CACNA2D1: variants seen among roughly 807,000 people sequenced by gnomAD.
CACNA2D1 encodes voltage-dependent calcium channel subunit alpha-2/delta-1.
A neutral mutation model predicts 171.5 loss-of-function variants in CACNA2D1; 53 were observed. The observed-to-expected ratio is 0.31, with a 90% CI of 0.25 to 0.39. The LOEUF (loss-of-function observed/expected upper bound fraction) is 0.39. Ranked by LOEUF, CACNA2D1 falls within the 10% of genes least tolerant of loss-of-function variation. CACNA2D1 has a pLI of 1.00. For synonymous variants in CACNA2D1, 442 were observed against 443.1 expected, an observed-to-expected ratio of 1.00 and a Z score of 0.03; for missense variants, 903 against 1,299.8, an observed-to-expected ratio of 0.69 and a Z score of 4.69.
chr7:82,231,492 G>C (rs190302593), intron 3 of CACNA2D1, among the ~76,000 whole-genome samples: 1 of 152,060 alleles, frequency 6.6e-6, no homozygotes, highest in Admixed American at 6.6e-5. Flanking sequence ...TATTTAGATC[G>C]AATTTCAAAG....
At chr7:82,160,531 T>C (rs1178172553) in intron 4 of CACNA2D1, among the ~76,000 whole-genome samples, 1 of 152,054 alleles carries the variant, frequency 6.6e-6, no homozygotes, top group Admixed American at 6.6e-5. Context: ...ATGTGGAAGG[T>C]GAGAAGAAAT....
chr7:82,436,788 G>T (rs920729187), intron 1 of CACNA2D1, among the ~76,000 whole-genome samples: 1 of 152,078 alleles, frequency 6.6e-6, no homozygotes, highest in African/African-American at 2.4e-5. Flanking sequence ...TTTGCAGTCT[G>T]CCTGAGCCCA....
chr7:82,401,635 A>G (rs1826433766), intron 1 of CACNA2D1, among the ~76,000 whole-genome samples: 1 of 151,978 alleles, frequency 6.6e-6, no homozygotes, highest in Non-Finnish European at 1.5e-5. Context: ...GCAGCGCACC[A>G]GCGTGGCACA....
At chr7:82,177,462 T>C (rs986518807) in intron 3 of CACNA2D1, among the ~76,000 whole-genome samples, 1 of 152,094 alleles carries the variant, frequency 6.6e-6, no homozygotes, top group Admixed American at 6.6e-5. Flanking sequence ...AAGAAACCCA[T>C]CACCCTTTCA....
intron 1 of CACNA2D1, among the ~76,000 whole-genome samples, chr7:82,423,773 C>T (rs1050774504): frequency 6.6e-6 from 1 of 152,048 alleles, no homozygotes; most frequent in African/African-American, 2.4e-5. Flanking sequence ...AAACTGAAAA[C>T]GGTAATTTAG....
intron 5 of CACNA2D1, 68 bp from the exon 6 acceptor site, chr7:82,117,241 T>A (rs1165470737): frequency 3.4e-6 from 5 of 1,452,680 alleles, no homozygotes; most frequent in Admixed American, 1.7e-5. Context: ...CATGCACTTC[T>A]TTACTTGCCA....
intron 12 of CACNA2D1, among the ~76,000 whole-genome samples, chr7:82,032,136 T>A (rs542492040): frequency 3.6e-4 from 55 of 152,096 alleles, no homozygotes; most frequent in Admixed American, 1.6e-3. Context: ...CTCCACAGTA[T>A]CAGGTTCAAT....
At chr7:82,127,013 T>A (rs574250290) in intron 5 of CACNA2D1, among the ~76,000 whole-genome samples, 1 of 152,364 alleles carries the variant, frequency 6.6e-6, no homozygotes, top group Admixed American at 6.5e-5. Flanking sequence ...AGTTCATGTT[T>A]CACAAATATT....
At chr7:82,227,031 A>G (rs1802436598) in intron 3 of CACNA2D1, among the ~76,000 whole-genome samples, 1 of 152,240 alleles carries the variant, frequency 6.6e-6, no homozygotes. Flanking sequence ...CATGTTAGTA[A>G]TTTAAAATAT....
intron 3 of CACNA2D1, among the ~76,000 whole-genome samples, chr7:82,296,068 A>G (rs1461905109): frequency 6.8e-6 from 1 of 148,072 alleles, no homozygotes; most frequent in Non-Finnish European, 1.5e-5. Context: ...ATGAGAACAC[A>G]TGGACACAGG....
intron 38 of CACNA2D1, among the ~76,000 whole-genome samples, chr7:81,954,253 T>C (rs1434270276): frequency 1.3e-5 from 2 of 152,066 alleles, no homozygotes; most frequent in South Asian, 2.1e-4. Context: ...AATAACAGAT[T>C]GGTACTTTCA....
At chr7:82,181,451 A>G (rs1797134846) in intron 3 of CACNA2D1, among the ~76,000 whole-genome samples, 1 of 152,208 alleles carries the variant, frequency 6.6e-6, no homozygotes, top group Non-Finnish European at 1.5e-5. Flanking sequence ...CATCACCTGC[A>G]TCTTGTTAGA....
At chr7:82,114,416 A>T (rs896193970) in intron 6 of CACNA2D1, among the ~76,000 whole-genome samples, 1 of 152,194 alleles carries the variant, frequency 6.6e-6, no homozygotes, top group South Asian at 2.1e-4. Flanking sequence ...TTGTCCAGAC[A>T]ATCTGTCTTG....
chr7:82,173,429 C>A (rs1252265055), intron 3 of CACNA2D1, among the ~76,000 whole-genome samples: 1 of 151,984 alleles, frequency 6.6e-6, no homozygotes, highest in East Asian at 1.9e-4. Flanking sequence ...AATTTCATAT[C>A]CCCAGGTTGG....
chr7:82,316,012 A>C (rs1477762679), intron 3 of CACNA2D1, among the ~76,000 whole-genome samples: 1 of 151,946 alleles, frequency 6.6e-6, no homozygotes, highest in Non-Finnish European at 1.5e-5. Flanking sequence ...AATTCTAGGC[A>C]CCAAAAAATT....
At chr7:82,199,733 C>T (rs1799220280) in intron 3 of CACNA2D1, among the ~76,000 whole-genome samples, 1 of 151,958 alleles carries the variant, frequency 6.6e-6, no homozygotes, top group African/African-American at 2.4e-5. Flanking sequence ...CCTCCTCATT[C>T]CAGCAAAGTA....
intron 4 of CACNA2D1, among the ~76,000 whole-genome samples, chr7:82,155,696 A>C (rs1342508700): frequency 1.3e-5 from 2 of 152,126 alleles, no homozygotes; most frequent in Non-Finnish European, 2.9e-5. Flanking sequence ...GCTTCCGCAA[A>C]TCTCCCTACT....
intron 3 of CACNA2D1, among the ~76,000 whole-genome samples, chr7:82,172,454 C>CT (rs60728582): frequency 0.15 from 22,140 of 151,204 alleles, 2,267 homozygotes; most frequent in African/African-American, 0.28. Flanking sequence ...AAGGCTTTTT[C>CT]TTTTTTTCTT....
intron 10 of CACNA2D1, among the ~76,000 whole-genome samples, chr7:82,046,127 A>T (rs1804525138): frequency 6.6e-6 from 1 of 152,144 alleles, no homozygotes; most frequent in Non-Finnish European, 1.5e-5. Context: ...AAAATTATTC[A>T]TTAATTCCAA....
Sources: allele counts gnomAD v4.1 joint callset (sites outside exome capture counted in the v4.1 genomes callset), GRCh38; gene constraint gnomAD v4.1.1; transcripts MANE v1.5; gene names NCBI Gene and HGNC (gene_info 2026-07-23, HGNC 2026-07-21).